Variants in RBFOX1 observed in about 807,000 individuals in gnomAD.
RBFOX1 encodes the protein RNA binding fox-1 homolog 1.
RBFOX1 carries 8 observed loss-of-function variants against 57.7 expected under a neutral mutation model. The observed-to-expected ratio is 0.14, with a 90% CI of 0.08 to 0.25. The LOEUF (loss-of-function observed/expected upper bound fraction) is 0.25. Ranked by LOEUF, RBFOX1 falls within the 10% of genes least tolerant of loss-of-function variation. The pLI, the probability that RBFOX1 is intolerant of heterozygous loss-of-function variation, is 1.00. For synonymous variants in RBFOX1, 326 were observed against 222.4 expected (o/e 1.47, Z -4.15); for missense variants, 611 against 548.5 (o/e 1.11, Z -1.14).
chr16:6,688,806 G>A (rs1277479574), intron 3 of RBFOX1, among the ~76,000 whole-genome samples: 3 of 152,060 alleles, frequency 2.0e-5, no homozygotes, highest in Admixed American at 2.0e-4. Flanking sequence ...CCTCCCGACA[G>A]GCCCTGGTGT....
At chr16:6,796,532 T>C (rs2084094269) in intron 3 of RBFOX1, among the ~76,000 whole-genome samples, 1 of 152,218 alleles carries the variant, frequency 6.6e-6, no homozygotes, top group Admixed American at 6.5e-5. Context: ...ACAGAATAGA[T>C]GTTGTCTATG....
intron 4 of RBFOX1, among the ~76,000 whole-genome samples, chr16:5,874,085 T>C (rs2057544284): frequency 6.6e-6 from 1 of 152,224 alleles, no homozygotes; most frequent in Non-Finnish European, 1.5e-5. Context: ...GGGTATTGGA[T>C]AATTCAGAGG....
chr16:5,299,326 T>C (rs981522276), intron 1 of RBFOX1, among the ~76,000 whole-genome samples: 1 of 152,190 alleles, frequency 6.6e-6, no homozygotes. Context: ...ACTTTATAAT[T>C]TGTTATTTAT....
chr16:7,421,533 T>G (rs1243868663), intron 4 of RBFOX1, among the ~76,000 whole-genome samples: 1 of 152,220 alleles, frequency 6.6e-6, no homozygotes, highest in Non-Finnish European at 1.5e-5. Context: ...GGCAGGAATC[T>G]GAGGTCTGAT....
intron 4 of RBFOX1, among the ~76,000 whole-genome samples, chr16:5,871,949 C>T (rs558863562): frequency 6.6e-6 from 1 of 152,312 alleles, no homozygotes; most frequent in Non-Finnish European, 1.5e-5. Context: ...AGGTAGCAAA[C>T]TCAGTGGCCT....
chr16:7,252,236 C>T (rs967802559), intron 4 of RBFOX1, among the ~76,000 whole-genome samples: 5 of 152,192 alleles, frequency 3.3e-5, no homozygotes, highest in African/African-American at 1.2e-4. Flanking sequence ...CCCCATATCT[C>T]CATTCATTTA....
At chr16:6,119,441 C>T (rs2096531892) in intron 1 of RBFOX1, among the ~76,000 whole-genome samples, 2 of 152,068 alleles carry the variant, frequency 1.3e-5, no homozygotes, top group Non-Finnish European at 2.9e-5. Flanking sequence ...AAGGCATTTG[C>T]CAAGTTTCTT....
intron 2 of RBFOX1, among the ~76,000 whole-genome samples, chr16:6,491,211 A>T (rs548889290): frequency 1.5e-4 from 23 of 151,682 alleles, no homozygotes; most frequent in South Asian, 1.5e-3. Context: ...ATATATAGAT[A>T]TATAGTTAAA....
At chr16:6,612,439 G>A (rs1042728358) in intron 2 of RBFOX1, among the ~76,000 whole-genome samples, 2 of 152,072 alleles carry the variant, frequency 1.3e-5, no homozygotes, top group Non-Finnish European at 2.9e-5. Context: ...CTCTAATTAC[G>A]TATATTGACT....
At chr16:6,098,673 C>T (rs970729270) in intron 1 of RBFOX1, among the ~76,000 whole-genome samples, 2 of 152,190 alleles carry the variant, frequency 1.3e-5, no homozygotes, top group Admixed American at 6.5e-5. Context: ...CATTCATTTC[C>T]ACCAAAAAGC....
chr16:6,025,173 T>C (rs1596472444), intron 1 of RBFOX1, among the ~76,000 whole-genome samples: 1 of 152,212 alleles, frequency 6.6e-6, no homozygotes, highest in African/African-American at 2.4e-5. Context: ...TAAACAAGCA[T>C]GCCTTCCTGG....
At chr16:7,581,311 C>T (rs2093742354) in intron 6 of RBFOX1, among the ~76,000 whole-genome samples, 1 of 152,114 alleles carries the variant, frequency 6.6e-6, no homozygotes, top group East Asian at 1.9e-4. Context: ...TTGAAAAGTG[C>T]AGAGCATTCA....
At chr16:7,118,478 G>A (rs1255353315) in intron 4 of RBFOX1, among the ~76,000 whole-genome samples, 1 of 152,084 alleles carries the variant, frequency 6.6e-6, no homozygotes, top group Non-Finnish European at 1.5e-5. Context: ...TCGGGTACAA[G>A]GTATGCAATT....
chr16:6,100,177 T>G (rs1270751388), intron 1 of RBFOX1, among the ~76,000 whole-genome samples: 6 of 152,158 alleles, frequency 3.9e-5, no homozygotes, highest in African/African-American at 9.7e-5. Context: ...TGTTGTTGTT[T>G]TTTGAGACGG....
In RBFOX1 at chr16:6,457,676, C is replaced by T. The variant is rs143777238; in HGVS notation, c.-64+140619C>T. Among the ~76,000 whole-genome samples, 413 of 152,238 alleles carry T rather than the reference C, an allele frequency of 2.7e-3. 3 individuals carry two copies. Among genetic ancestry groups the T allele is most frequent in the African/African-American group, 9.6e-3 (397 of 41,558 alleles). On this transcript the variant is annotated intron_variant, in intron 2 of 15. Transcript: ENST00000550418. Reference sequence around the variant, plus strand: ...GTTGAAATCCTGGAAATTATTGCCTCTTTGAGGCACAGGAGTAGGTGCTGG... The same window carrying T: ...GTTGAAATCCTGGAAATTATTGCCTTTTTGAGGCACAGGAGTAGGTGCTGG...
intron 4 of RBFOX1, among the ~76,000 whole-genome samples, chr16:7,450,487 A>C (rs1466971768): frequency 6.6e-6 from 1 of 151,408 alleles, no homozygotes; most frequent in Non-Finnish European, 1.5e-5. Context: ...TGTGAATGTT[A>C]ACTCGTAAGG....
intron 12 of RBFOX1, among the ~76,000 whole-genome samples, chr16:7,656,337 T>G (rs1254818677): frequency 6.6e-6 from 1 of 152,176 alleles, no homozygotes; most frequent in East Asian, 1.9e-4. Context: ...TCTTAGAGGT[T>G]TCCTTTTCCT....
chr16:6,058,657 T>C (rs928461816), intron 1 of RBFOX1, among the ~76,000 whole-genome samples: 9 of 138,586 alleles, frequency 6.5e-5, no homozygotes, highest in Admixed American at 1.5e-4. Flanking sequence ...CATCCACCCA[T>C]CCATCCATCC....
chr16:7,613,405 A>G (rs1344835255), intron 10 of RBFOX1, among the ~76,000 whole-genome samples: 1 of 152,194 alleles, frequency 6.6e-6, no homozygotes, highest in East Asian at 1.9e-4. Context: ...AGACTGTAAA[A>G]TAGAAATAGA....
Sources: gnomAD v4.1 joint callset for allele counts (sites outside exome capture counted in the v4.1 genomes callset) on GRCh38, gnomAD v4.1.1 for gene constraint, MANE v1.5 for transcripts, NCBI Gene and HGNC (gene_info 2026-07-23, HGNC 2026-07-21) for gene names.